Variants in RBM19 observed in about 807,000 individuals in gnomAD.
RBM19 encodes RNA binding motif protein 19, also known as probable RNA-binding protein 19.
RBM19 carries 94 observed loss-of-function variants against 116.8 expected under a neutral mutation model. The observed-to-expected ratio is 0.80, with a 90% CI of 0.68 to 0.95. RBM19 has a LOEUF of 0.95. Ranked by LOEUF, RBM19 falls within the 40% of genes least tolerant of loss-of-function variation. The probability of loss-of-function intolerance (pLI) is 0.00; values close to 1 mark genes in which losing one functional copy is unlikely to be tolerated. For missense variants in RBM19, 1,161 were observed against 1,220.7 expected (o/e 0.95, Z 0.73); for synonymous variants, 475 against 494.1 (o/e 0.96, Z 0.51).
chr12:113,821,610 C>T (rs1874420770), downstream of RBM19, among the ~76,000 whole-genome samples: 1 of 152,156 alleles, frequency 6.6e-6, no homozygotes, highest in Non-Finnish European at 1.5e-5. Flanking sequence ...CTGTGAGCCA[C>T]CCCACTATAA....
downstream of RBM19, among the ~76,000 whole-genome samples, chr12:113,821,127 G>C (rs953476228): frequency 2.0e-5 from 3 of 152,192 alleles, no homozygotes; most frequent in Non-Finnish European, 4.4e-5. Flanking sequence ...CGAGGCTGGA[G>C]AGTGGTGGAC....
At chr12:113,869,615 A>G (rs1186709486) in intron 21 of RBM19, among the ~76,000 whole-genome samples, 1 of 152,194 alleles carries the variant, frequency 6.6e-6, no homozygotes, top group East Asian at 1.9e-4. Flanking sequence ...CGTTACTAAA[A>G]TGTGGCCAGC....
intron 23 of RBM19, among the ~76,000 whole-genome samples, chr12:113,835,647 G>A (rs930871902): frequency 2.0e-5 from 3 of 152,192 alleles, no homozygotes; most frequent in Admixed American, 6.5e-5. Flanking sequence ...GACCCATGGG[G>A]ACAGCCACCC....
chr12:113,882,980 G>A (rs1880253472), intron 21 of RBM19, among the ~76,000 whole-genome samples: 1 of 152,166 alleles, frequency 6.6e-6, no homozygotes, highest in Non-Finnish European at 1.5e-5. Context: ...CCCTTGGGAT[G>A]CCTTGAAAAA....
intron 21 of RBM19, among the ~76,000 whole-genome samples, chr12:113,880,565 C>T (rs1022429342): frequency 2.0e-5 from 3 of 152,164 alleles, no homozygotes; most frequent in Non-Finnish European, 2.9e-5. Context: ...CAGCTGCGAA[C>T]GGCGAGACTC....
rs113293418 is a variant in RBM19, at chr12:113,957,725, C to T, written c.840+57G>A. Reference sequence around the variant, plus strand: ...CTCCTAACAGAGGAGCTGTGGGGACCACGGGCAAGCAGGAGAGCGCACCTC... The same window carrying T: ...CTCCTAACAGAGGAGCTGTGGGGACTACGGGCAAGCAGGAGAGCGCACCTC... On this transcript the variant is annotated intron_variant, in intron 6 of 23. Coordinates refer to ENST00000261741, the MANE Select transcript of RBM19 (RefSeq NM_016196.4). 38 of 1,519,132 alleles carry T rather than the reference C, an allele frequency of 2.5e-5. No homozygotes were observed. In the African/African-American group the frequency reaches 4.9e-4, roughly 19 times the overall value. 94.1% of individuals were successfully genotyped at this position (1,519,132 alleles called of 1,614,324 possible).
chr12:113,915,028 C>G lies in RBM19; in HGVS notation c.2499G>C (p.Lys833Asn). ...GGAAGGGGATGTTCCGCACCAGGATCTTGGAGGTGGTCTGCTTTCTGGGAA... is the reference window on the plus strand; with the variant it reads ...GGAAGGGGATGTTCCGCACCAGGATGTTGGAGGTGGTCTGCTTTCTGGGAA... ...KQVPRKQTTS[K>N]ILVRNIPFQA... The change falls in exon 21 of 24, where the codon AAG (lysine) becomes AAC (asparagine). Residue 833 changes from lysine (K) to asparagine (N), a missense_variant. Transcript: ENST00000261741. 6.2e-7 allele frequency: 1 copy of G among 1,614,218 alleles called. No individual in the cohort carries two copies.
chr12:113,860,398 C>T (rs919393992), intron 21 of RBM19, among the ~76,000 whole-genome samples: 4 of 152,358 alleles, frequency 2.6e-5, no homozygotes, highest in Admixed American at 2.0e-4. Flanking sequence ...GCCATGCTGG[C>T]TTTGAACAGG....
chr12:113,921,193 A>C (rs995150789), intron 18 of RBM19, among the ~76,000 whole-genome samples: 2 of 152,188 alleles, frequency 1.3e-5, no homozygotes, highest in Non-Finnish European at 2.9e-5. Flanking sequence ...GCATTATTCA[A>C]ACTTCTCTGG....
chr12:113,953,352 G>A (rs564795337), intron 7 of RBM19, among the ~76,000 whole-genome samples: 4 of 152,280 alleles, frequency 2.6e-5, no homozygotes, highest in African/African-American at 7.2e-5. Flanking sequence ...GCTGGACATG[G>A]TGACAGGTGC....
At chr12:113,961,352 C>T (rs12425509) in intron 2 of RBM19, among the ~76,000 whole-genome samples, 6,463 of 152,142 alleles carry the variant, frequency 0.042, 337 homozygotes, top group Admixed American at 0.15. Context: ...GTGCACACTT[C>T]CAAAATAGGC....
intron 1 of RBM19, 76 bp downstream of exon 1, chr12:113,966,116 T>A (rs1477779298): frequency 6.3e-7 from 1 of 1,590,426 alleles, no homozygotes; most frequent in Non-Finnish European, 8.6e-7. Flanking sequence ...TTCGATCACC[T>A]CCAGGCATCT....
chr12:113,945,345 G>A (rs936295692), intron 13 of RBM19, among the ~76,000 whole-genome samples: 8 of 152,294 alleles, frequency 5.3e-5, no homozygotes, highest in African/African-American at 1.9e-4. Flanking sequence ...AGAGACTGGG[G>A]CTGCCTGGGC....
At chr12:113,833,902 C>A (rs981159307) in intron 23 of RBM19, among the ~76,000 whole-genome samples, 3 of 151,978 alleles carry the variant, frequency 2.0e-5, no homozygotes, top group Non-Finnish European at 4.4e-5. Context: ...TGCCACCATG[C>A]CTGGCTAATT....
intron 7 of RBM19, among the ~76,000 whole-genome samples, chr12:113,954,810 CA>C (rs1431366765): frequency 1.3e-5 from 2 of 152,176 alleles, no homozygotes; most frequent in Non-Finnish European, 2.9e-5. Context: ...GTAGTCACAA[CA>C]GAGACCGTGT....
At chr12:113,865,127 T>G (rs929697726) in intron 21 of RBM19, among the ~76,000 whole-genome samples, 1 of 152,214 alleles carries the variant, frequency 6.6e-6, no homozygotes, top group Non-Finnish European at 1.5e-5. Flanking sequence ...ATACTTTTCT[T>G]GCTCTCCAAT....
At chr12:113,867,299 T>C (rs1387580692) in intron 21 of RBM19, among the ~76,000 whole-genome samples, 9 of 152,192 alleles carry the variant, frequency 5.9e-5, no homozygotes, top group Non-Finnish European at 1.5e-5. Context: ...AAATCACAAT[T>C]TGAAGCTTGG....
intron 19 of RBM19, among the ~76,000 whole-genome samples, chr12:113,919,668 G>T (rs573032305): frequency 6.6e-6 from 1 of 152,310 alleles, no homozygotes; most frequent in Non-Finnish European, 1.5e-5. Flanking sequence ...CTCCCCTCCT[G>T]CTAGAGAGTA....
At chr12:113,893,590 A>G (rs915349488) in intron 21 of RBM19, among the ~76,000 whole-genome samples, 1 of 152,100 alleles carries the variant, frequency 6.6e-6, no homozygotes, top group African/African-American at 2.4e-5. Context: ...ATTTTTTGCT[A>G]TCATAAGCAA....
Sources: allele counts gnomAD v4.1 joint callset (sites outside exome capture counted in the v4.1 genomes callset), GRCh38; gene constraint gnomAD v4.1.1; transcripts MANE v1.5; gene names NCBI Gene and HGNC (gene_info 2026-07-23, HGNC 2026-07-21).